The following RPSA2 variants were observed in gnomAD, a reference collection of about 807,000 sequenced individuals.
RPSA2 encodes the protein ribosomal protein SA 2, also known as small ribosomal subunit protein uS2B.
the RPSA2 span, among the ~76,000 whole-genome samples, chr19:23,860,426 T>C: frequency 2.6e-5 from 4 of 152,212 alleles, no homozygotes; most frequent in African/African-American, 9.6e-5. Flanking sequence ...GCTGCACATG[T>C]GAGAGTATCA....
chr19:23,862,517 T>C, the RPSA2 span, among the ~76,000 whole-genome samples: 2 of 152,034 alleles, frequency 1.3e-5, no homozygotes, highest in African/African-American at 4.8e-5. Context: ...TGTGGGTTTG[T>C]CATAGATAGC....
chr19:23,798,871 C>T, the RPSA2 span: 2 of 152,004 alleles, frequency 1.3e-5, no homozygotes, highest in African/African-American at 2.4e-5. Context: ...CAGTTAGCTA[C>T]CTTGCAGGTT....
At chr19:23,758,694 G>C in the RPSA2 span, 1 of 1,613,982 alleles carries the variant, frequency 6.2e-7, no homozygotes, top group Non-Finnish European at 8.5e-7. Context: ...CGAGGTCTGA[G>C]TCCCGCCACA....
the RPSA2 span, chr19:23,799,320 G>GT: frequency 7.2e-5 from 11 of 152,246 alleles, no homozygotes; most frequent in Admixed American, 7.2e-4. Flanking sequence ...GGCTGTCACA[G>GT]TGAGAACTCT....
At chr19:23,776,788 A>G in the RPSA2 span, among the ~76,000 whole-genome samples, 1 of 152,122 alleles carries the variant, frequency 6.6e-6, no homozygotes, top group South Asian at 2.1e-4. Context: ...GCACTGTAAC[A>G]TTCATGGGCC....
At chr19:23,861,329 A>G in the RPSA2 span, among the ~76,000 whole-genome samples, 1 of 152,186 alleles carries the variant, frequency 6.6e-6, no homozygotes, top group African/African-American at 2.4e-5. Flanking sequence ...GTCCTTGAAC[A>G]GGGTTCAGCA....
the RPSA2 span, among the ~76,000 whole-genome samples, chr19:23,852,534 C>A: frequency 1.3e-4 from 20 of 152,284 alleles, no homozygotes; most frequent in African/African-American, 4.1e-4. Flanking sequence ...AAAGGATGGG[C>A]CAAATTAATT....
the RPSA2 span, among the ~76,000 whole-genome samples, chr19:23,838,448 T>A: frequency 6.6e-6 from 1 of 152,304 alleles, no homozygotes; most frequent in South Asian, 2.1e-4. Flanking sequence ...GCTGGCTTCA[T>A]AGAATGAATT....
the RPSA2 span, among the ~76,000 whole-genome samples, chr19:23,868,220 A>G: frequency 2.0e-5 from 3 of 152,210 alleles, no homozygotes; most frequent in Non-Finnish European, 4.4e-5. Flanking sequence ...TTTTTTCTTT[A>G]CTATACCATT....
At chr19:23,783,156 CA>C in the RPSA2 span, among the ~76,000 whole-genome samples, 1 of 152,012 alleles carries the variant, frequency 6.6e-6, no homozygotes, top group East Asian at 1.9e-4. Flanking sequence ...AGTGCAATGG[CA>C]CCATGTCAGC....
chr19:23,789,717 T>G, the RPSA2 span, among the ~76,000 whole-genome samples: 1 of 151,944 alleles, frequency 6.6e-6, no homozygotes, highest in Non-Finnish European at 1.5e-5. Flanking sequence ...TGTTACTTTT[T>G]TTTTTTTTTG....
At chr19:23,821,155 C>G in the RPSA2 span, among the ~76,000 whole-genome samples, 1 of 152,174 alleles carries the variant, frequency 6.6e-6, no homozygotes, top group African/African-American at 2.4e-5. Context: ...CCTCTCTGAT[C>G]GATTAATGTT....
chr19:23,818,631 A>G, the RPSA2 span: 1 of 152,260 alleles, frequency 6.6e-6, no homozygotes, highest in Non-Finnish European at 1.5e-5. Context: ...CTGCAACCAT[A>G]TGATGTGATT....
the RPSA2 span, among the ~76,000 whole-genome samples, chr19:23,854,765 G>T: frequency 6.6e-6 from 1 of 152,206 alleles, no homozygotes; most frequent in Non-Finnish European, 1.5e-5. Flanking sequence ...AAAAGAATCA[G>T]TTGAGCCAGT....
chr19:23,813,232 C>CAA, the RPSA2 span, among the ~76,000 whole-genome samples: 1,547 of 120,972 alleles, frequency 0.013, 78 homozygotes, highest in African/African-American at 0.036. Context: ...GACCCTGTCT[C>CAA]AAAAAAAAAA....
At chr19:23,841,075 G>A in the RPSA2 span, among the ~76,000 whole-genome samples, 4 of 151,390 alleles carry the variant, frequency 2.6e-5, no homozygotes, top group East Asian at 7.8e-4. Context: ...TGTTTTTTTG[G>A]CCAGTAATCT....
At chr19:23,762,753 A>G in the RPSA2 span, among the ~76,000 whole-genome samples, 3 of 152,070 alleles carry the variant, frequency 2.0e-5, no homozygotes, top group East Asian at 5.8e-4. Context: ...AGACCCAGGT[A>G]AGGAAAAGAG....
chr19:23,792,953 C>T, the RPSA2 span, among the ~76,000 whole-genome samples: 172 of 152,166 alleles, frequency 1.1e-3, no homozygotes, highest in African/African-American at 3.7e-3. Context: ...GAATGTTTTA[C>T]CCGGACGTCA....
the RPSA2 span, chr19:23,782,000 C>G: frequency 3.9e-5 from 6 of 154,898 alleles, no homozygotes; most frequent in African/African-American, 1.2e-4. Flanking sequence ...CCTCTTCTGC[C>G]TTGGTGCTAC....
Sources: allele counts gnomAD v4.1 joint callset (sites outside exome capture counted in the v4.1 genomes callset), GRCh38; gene constraint gnomAD v4.1.1; transcripts MANE v1.5; gene names NCBI Gene and HGNC (gene_info 2026-07-23, HGNC 2026-07-21).